Variants in KHDRBS2 observed in about 807,000 individuals in gnomAD.
KHDRBS2 encodes KH domain-containing, RNA-binding, signal transduction-associated protein 2.
Under a neutral mutation model 44.3 loss-of-function variants are expected in KHDRBS2, and 26 were observed. The observed-to-expected ratio is 0.59, with a 90% confidence interval of 0.43 to 0.81. The LOEUF (loss-of-function observed/expected upper bound fraction) is 0.81. KHDRBS2 is among the 40% of genes least tolerant of loss of function. KHDRBS2 has a pLI of 0.00. For synonymous variants in KHDRBS2, 194 were observed against 151.1 expected, an observed-to-expected ratio of 1.28 and a Z score of -2.08; for missense variants, 476 against 433.1, an observed-to-expected ratio of 1.10 and a Z score of -0.88.
In KHDRBS2 at chr6:62,037,954, G is replaced by A. The variant is rs75722060; in HGVS notation, c.336+9924C>T. On this transcript the variant is annotated intron_variant, in intron 3 of 8. Transcript: ENST00000281156. The stretch of plus-strand genomic sequence containing the variant: ...TTTAAAAGGAAATCTATTCATAATG[G>A]GTGTTAGTGATTTCTAATATTTAGA... 7.2e-3 allele frequency among the ~76,000 whole-genome samples: 1,088 copies of A among 151,976 alleles called. 15 individuals are homozygous for A. The highest frequency in any genetic ancestry group is 0.024 in the African/African-American group (1,004 of 41,486).
chr6:62,269,393 C>T (rs2345326), intron 1 of KHDRBS2, among the ~76,000 whole-genome samples: 44,566 of 151,906 alleles, frequency 0.29, 7,966 homozygotes, highest in Middle Eastern at 0.43. Context: ...ATAAAAGACC[C>T]ACAATCCAAT....
intron 6 of KHDRBS2, among the ~76,000 whole-genome samples, chr6:61,800,902 T>A (rs970334156): frequency 6.6e-6 from 1 of 152,084 alleles, no homozygotes; most frequent in African/African-American, 2.4e-5. Context: ...GTGGACTGCT[T>A]TCATGGGTAT....
chr6:62,188,721 G>C (rs1401981775), intron 1 of KHDRBS2, among the ~76,000 whole-genome samples: 3 of 152,156 alleles, frequency 2.0e-5, no homozygotes, highest in Admixed American at 6.5e-5. Context: ...GATGTGTTTA[G>C]TGTGGCATGA....
the KHDRBS2 span, among the ~76,000 whole-genome samples, chr6:61,562,353 CT>C: frequency 3.3e-5 from 5 of 152,030 alleles, no homozygotes; most frequent in Non-Finnish European, 4.4e-5. Flanking sequence ...TGTTATGATC[CT>C]TTAGGGATCT....
chr6:62,278,067 T>C (rs892802365), intron 1 of KHDRBS2, among the ~76,000 whole-genome samples: 2 of 152,230 alleles, frequency 1.3e-5, no homozygotes, highest in African/African-American at 4.8e-5. Context: ...AAATTCAGTT[T>C]ATTTTATTGG....
At chr6:62,228,611 T>TA (rs1832334805) in intron 1 of KHDRBS2, among the ~76,000 whole-genome samples, 1 of 152,200 alleles carries the variant, frequency 6.6e-6, no homozygotes, top group Non-Finnish European at 1.5e-5. Context: ...TTAGTTCTTT[T>TA]AATTGTGATA....
intron 6 of KHDRBS2, among the ~76,000 whole-genome samples, chr6:61,870,078 G>T (rs1350152701): frequency 6.6e-6 from 1 of 151,812 alleles, no homozygotes; most frequent in Non-Finnish European, 1.5e-5. Flanking sequence ...GAGCCAAGTG[G>T]TCTGGCTCAG....
At chr6:62,065,231 C>T (rs1296524340) in intron 2 of KHDRBS2, among the ~76,000 whole-genome samples, 1 of 152,138 alleles carries the variant, frequency 6.6e-6, no homozygotes, top group Non-Finnish European at 1.5e-5. Flanking sequence ...GTGGCCATTC[C>T]TCAGGGATCT....
Position 61,776,457 on chromosome 6 carries a change from C to T in KHDRBS2, c.811-43693G>A, listed in dbSNP as rs147351592. On this transcript the variant is annotated intron_variant, in intron 6 of 8. Coordinates refer to ENST00000281156, the MANE Select transcript of KHDRBS2 (RefSeq NM_152688.4). ...AACAAATTTACAAGAAAAAAACAAC[C>T]CTATCAAAAAGTGGGCAAAAGACAT... 9.6e-3 allele frequency among the ~76,000 whole-genome samples: 1,468 copies of T among 152,142 alleles called. 9 individuals are homozygous for T. The highest frequency in any genetic ancestry group is 0.037 in the Middle Eastern group (11 of 294).
At chr6:61,629,509 A>G in the KHDRBS2 span, among the ~76,000 whole-genome samples, 3 of 151,860 alleles carry the variant, frequency 2.0e-5, no homozygotes, top group Non-Finnish European at 2.9e-5. Flanking sequence ...TTCAGCATTC[A>G]CTTAATAGAA....
At chr6:61,826,695 G>A (rs941956665) in intron 6 of KHDRBS2, among the ~76,000 whole-genome samples, 1 of 152,050 alleles carries the variant, frequency 6.6e-6, no homozygotes, top group African/African-American at 2.4e-5. Flanking sequence ...AACTCACGTT[G>A]AGTGTTTAAA....
At chr6:61,662,751 C>A in the KHDRBS2 span, among the ~76,000 whole-genome samples, 1 of 151,878 alleles carries the variant, frequency 6.6e-6, no homozygotes, top group African/African-American at 2.4e-5. Context: ...CAGGAAACAA[C>A]AGGTGCTGGA....
At chr6:62,229,212 C>G (rs1173973736) in intron 1 of KHDRBS2, among the ~76,000 whole-genome samples, 1 of 152,070 alleles carries the variant, frequency 6.6e-6, no homozygotes, top group Admixed American at 6.5e-5. Flanking sequence ...ATGGAGTTGT[C>G]AGAGTTCCTT....
chr6:61,742,115 A>G (rs1461149209), intron 6 of KHDRBS2, among the ~76,000 whole-genome samples: 1 of 152,006 alleles, frequency 6.6e-6, no homozygotes, highest in African/African-American at 2.4e-5. Flanking sequence ...ATAAATTGTC[A>G]CCAAAAACTA....
At chr6:61,977,190 GT>G (rs1445889841) in intron 4 of KHDRBS2, among the ~76,000 whole-genome samples, 1 of 152,058 alleles carries the variant, frequency 6.6e-6, no homozygotes, top group Non-Finnish European at 1.5e-5. Context: ...GAAATCTGCA[GT>G]TTCTTCATTG....
At chr6:61,804,298 A>G (rs914721564) in intron 6 of KHDRBS2, among the ~76,000 whole-genome samples, 1 of 152,158 alleles carries the variant, frequency 6.6e-6, no homozygotes, top group Non-Finnish European at 1.5e-5. Context: ...CCAGATCACG[A>G]TGATGCAAGA....
At chr6:62,108,352 C>T (rs534902072) in intron 2 of KHDRBS2, among the ~76,000 whole-genome samples, 2 of 152,238 alleles carry the variant, frequency 1.3e-5, no homozygotes, top group African/African-American at 4.8e-5. Context: ...AAAATGCTCA[C>T]CATCACTGGC....
chr6:62,151,531 C>A (rs746994619), intron 2 of KHDRBS2, among the ~76,000 whole-genome samples: 1 of 151,986 alleles, frequency 6.6e-6, no homozygotes. Flanking sequence ...TCAAAAGTTA[C>A]CCAAAAAAAC....
intron 6 of KHDRBS2, among the ~76,000 whole-genome samples, chr6:61,739,686 C>T (rs1293376199): frequency 6.6e-6 from 1 of 151,838 alleles, no homozygotes; most frequent in Non-Finnish European, 1.5e-5. Context: ...AACGTCAAGT[C>T]CTGGCTTTTA....
Sources: gnomAD v4.1 joint callset for allele counts (sites outside exome capture counted in the v4.1 genomes callset) on GRCh38, gnomAD v4.1.1 for gene constraint, MANE v1.5 for transcripts, NCBI Gene and HGNC (gene_info 2026-07-23, HGNC 2026-07-21) for gene names.